The following RP1 variants were observed in gnomAD, a reference collection of about 807,000 sequenced individuals.
RP1 encodes the protein oxygen-regulated protein 1.
Under a neutral mutation model 14.8 loss-of-function variants are expected in RP1, and 16 were observed. The ratio of observed to expected loss-of-function variants is 1.08; its 90% CI spans 0.73 to 1.65. The LOEUF (loss-of-function observed/expected upper bound fraction) is 1.65, where lower values mean the gene tolerates loss of function less well. Ranked by LOEUF, RP1 falls within the 40% of genes most tolerant of loss-of-function variation. RP1 has a pLI of 0.00. For synonymous variants in RP1, 876 were observed against 883.6 expected (o/e 0.99, Z 0.15); for missense variants, 2,631 against 2,535.0 (o/e 1.04, Z -0.81).
chr8:54,648,847 G>C, intron 3 of RP1: 1 of 509,676 alleles, frequency 2.0e-6, no homozygotes, highest in East Asian at 3.2e-5. Context: ...TAAATCTTCT[G>C]TTATGGCACT....
intron 24 of RP1, among the ~76,000 whole-genome samples, chr8:54,825,534 T>A (rs1039134909): frequency 1.3e-5 from 2 of 152,174 alleles, no homozygotes; most frequent in Non-Finnish European, 2.9e-5. Flanking sequence ...AAGACACACT[T>A]CAGATGGGAC....
At chr8:54,679,366 T>G in intron 9 of RP1, 1 of 1,426,296 alleles carries the variant, frequency 7.0e-7, no homozygotes, top group Middle Eastern at 1.7e-4. Context: ...TAATTGCCAA[T>G]GGTTAATGTA....
At chr8:54,593,162 G>T (rs1262066223) in intron 1 of RP1, among the ~76,000 whole-genome samples, 1 of 151,994 alleles carries the variant, frequency 6.6e-6, no homozygotes, top group Admixed American at 6.6e-5. Context: ...GTCTCTTCTG[G>T]GCCCAGAAAA....
At chr8:54,660,675 C>A (rs1280043001) in intron 6 of RP1, among the ~76,000 whole-genome samples, 1 of 152,016 alleles carries the variant, frequency 6.6e-6, no homozygotes, top group East Asian at 1.9e-4. Context: ...GGGGTTCTCA[C>A]AAAGGCAAAT....
chr8:54,567,116 G>T (rs1401832049), intron 1 of RP1, among the ~76,000 whole-genome samples: 1 of 152,118 alleles, frequency 6.6e-6, no homozygotes, highest in Admixed American at 6.5e-5. Context: ...CTCAAGTCAC[G>T]GTAGTTCAAA....
At chr8:54,812,942 C>T (rs899205361) in intron 24 of RP1, among the ~76,000 whole-genome samples, 4 of 152,240 alleles carry the variant, frequency 2.6e-5, no homozygotes, top group African/African-American at 9.6e-5. Flanking sequence ...TGTGGTAACT[C>T]ATTCTTACTA....
At chr8:54,636,243 G>GGCAGGGACAC in intron 3 of RP1, among the ~76,000 whole-genome samples, 1 of 152,334 alleles carries the variant, frequency 6.6e-6, no homozygotes, top group East Asian at 1.9e-4. Context: ...TGAAAAAACA[G>GGCAGGGACAC]TTTGTTGTGA....
intron 6 of RP1, chr8:54,656,260 C>T: frequency 6.6e-7 from 1 of 1,513,844 alleles, no homozygotes; most frequent in Admixed American, 2.1e-5. Flanking sequence ...AACTTGTTTG[C>T]CTAAATGCTG....
Position 54,625,211 on chromosome 8 carries a change from G to A in RP1, c.1329G>A (p.Lys443=), listed in dbSNP as rs368559909. ...TCCAGGGAACTCAAGACCAAGCAAA[G>A]CATCGTTTTTATAGGCCCCCTACAC... ...DIIQGTQDQA[K]HRFYRPPTPG... Residue 443 remains lysine, a synonymous_variant, in exon 4 of 4, where the codon AAG becomes AAA. Coordinates refer to ENST00000220676, the MANE Select transcript of RP1 (RefSeq NM_006269.2). 2.0e-5 allele frequency: 33 copies of A among 1,614,152 alleles called. No homozygotes were observed. Among genetic ancestry groups the A allele is most frequent in the Non-Finnish European group, 2.8e-5 (33 of 1,180,038 alleles).
At chr8:54,809,853 T>C (rs955259604) in intron 24 of RP1, among the ~76,000 whole-genome samples, 1 of 152,266 alleles carries the variant, frequency 6.6e-6, no homozygotes, top group African/African-American at 2.4e-5. Context: ...CATTTTTTTC[T>C]CTGAATTGCA....
intron 5 of RP1, among the ~76,000 whole-genome samples, chr8:54,654,762 C>T (rs1181369272): frequency 2.6e-5 from 4 of 152,164 alleles, no homozygotes; most frequent in Non-Finnish European, 5.9e-5. Flanking sequence ...ATCCTCCCAC[C>T]TCAGCCTCCC....
At chr8:54,603,531 G>C (rs532073070) in intron 1 of RP1, among the ~76,000 whole-genome samples, 15 of 151,748 alleles carry the variant, frequency 9.9e-5, no homozygotes, top group Non-Finnish European at 2.1e-4. Flanking sequence ...GCTCTTTTTT[G>C]GTTCCATATG....
chr8:54,828,780 C>T (rs1316143567), intron 24 of RP1, among the ~76,000 whole-genome samples: 2 of 151,616 alleles, frequency 1.3e-5, no homozygotes, highest in Non-Finnish European at 2.9e-5. Flanking sequence ...GTAATGTGTT[C>T]TCTACGACAT....
At chr8:54,653,670 C>T (rs1194910342) in intron 5 of RP1, among the ~76,000 whole-genome samples, 5 of 152,132 alleles carry the variant, frequency 3.3e-5, no homozygotes, top group East Asian at 1.9e-4. Context: ...AAGTTACAAA[C>T]GATTCTGAAA....
chr8:54,570,290 T>G (rs1804492884), intron 1 of RP1, among the ~76,000 whole-genome samples: 2 of 151,860 alleles, frequency 1.3e-5, no homozygotes, highest in South Asian at 4.2e-4. Flanking sequence ...AGAAACCAAC[T>G]GAATGGGTGT....
intron 1 of RP1, among the ~76,000 whole-genome samples, chr8:54,575,510 C>T (rs1005752950): frequency 6.6e-5 from 10 of 152,118 alleles, no homozygotes; most frequent in African/African-American, 9.7e-5. Context: ...TAGCCATCCC[C>T]TCACATTTAT....
chr8:54,567,937 G>T (rs962769580), intron 1 of RP1, among the ~76,000 whole-genome samples: 7 of 152,192 alleles, frequency 4.6e-5, no homozygotes, highest in Non-Finnish European at 8.8e-5. Context: ...AACAAAAGCA[G>T]CATGAAAAGC....
chr8:54,639,453 C>CT (rs1252710548), intron 3 of RP1, among the ~76,000 whole-genome samples: 4 of 151,964 alleles, frequency 2.6e-5, no homozygotes, highest in Admixed American at 6.6e-5. Flanking sequence ...AGATTGCTAG[C>CT]TTTTATGGTA....
At chr8:54,787,124 C>A (rs1047990056) in intron 24 of RP1, among the ~76,000 whole-genome samples, 1 of 152,096 alleles carries the variant, frequency 6.6e-6, no homozygotes, top group African/African-American at 2.4e-5. Flanking sequence ...GGCTTTGCAG[C>A]AATTTTGATA....
Sources: gnomAD v4.1 joint callset for allele counts (sites outside exome capture counted in the v4.1 genomes callset) on GRCh38, gnomAD v4.1.1 for gene constraint, MANE v1.5 for transcripts, NCBI Gene and HGNC (gene_info 2026-07-23, HGNC 2026-07-21) for gene names.